The following BCL7C variants were observed in gnomAD, a reference collection of about 807,000 sequenced individuals.
The protein encoded by BCL7C is BAF chromatin remodeling complex subunit BCL7C.
Under a neutral mutation model 26.2 loss-of-function variants are expected in BCL7C, and 8 were observed. The ratio of observed to expected loss-of-function variants is 0.30; its 90% CI spans 0.18 to 0.55. The LOEUF (loss-of-function observed/expected upper bound fraction) is 0.55. Ranked by LOEUF, BCL7C falls within the 20% of genes least tolerant of loss-of-function variation. BCL7C has a pLI of 0.93. For synonymous variants in BCL7C, 90 were observed against 116.5 expected (o/e 0.77, Z 1.47); for missense variants, 262 against 298.5 (o/e 0.88, Z 0.90).
At chr16:30,886,841 G>T (rs573735488), downstream of BCL7C, among the ~76,000 whole-genome samples, 6 of 152,258 alleles carry the variant, frequency 3.9e-5, no homozygotes, top group South Asian at 1.2e-3. Context: ...GTCATCCCAG[G>T]CCCCCAAGTC....
chr16:30,842,043 G>T (rs2054605945), intron 5 of BCL7C, among the ~76,000 whole-genome samples: 1 of 146,560 alleles, frequency 6.8e-6, no homozygotes, highest in Admixed American at 6.9e-5. Context: ...ATACTCTTCT[G>T]TCTTTGTCTT....
chr16:30,882,930 T>G (rs1041924066), downstream of BCL7C, among the ~76,000 whole-genome samples: 1 of 152,196 alleles, frequency 6.6e-6, no homozygotes, highest in African/African-American at 2.4e-5. Flanking sequence ...CTTGGCTGGC[T>G]CCTGGGATGG....
At chr16:30,837,398 C>T (rs2054576612) in intron 5 of BCL7C, among the ~76,000 whole-genome samples, 1 of 152,026 alleles carries the variant, frequency 6.6e-6, no homozygotes, top group Non-Finnish European at 1.5e-5. Flanking sequence ...TCTTGTTGCC[C>T]AGGCTGTAGT....
chr16:30,855,307 C>T (rs184456370), intron 5 of BCL7C, among the ~76,000 whole-genome samples: 4 of 152,040 alleles, frequency 2.6e-5, no homozygotes, highest in South Asian at 2.1e-4. Flanking sequence ...GACATGATCT[C>T]GGCTCACTGC....
intron 5 of BCL7C, among the ~76,000 whole-genome samples, chr16:30,846,825 G>A (rs557372822): frequency 6.6e-6 from 1 of 152,306 alleles, no homozygotes; most frequent in Admixed American, 6.5e-5. Flanking sequence ...TTGGGAAGTG[G>A]GATGCCAGCA....
chr16:30,844,078 G>A (rs187071075), intron 5 of BCL7C, among the ~76,000 whole-genome samples: 9 of 146,226 alleles, frequency 6.2e-5, no homozygotes, highest in Non-Finnish European at 1.0e-4. Context: ...AAGTCCGGGC[G>A]TGGTGGCTCA....
chr16:30,864,449 G>A (rs1242792143), intron 5 of BCL7C, among the ~76,000 whole-genome samples: 1 of 151,572 alleles, frequency 6.6e-6, no homozygotes, highest in Non-Finnish European at 1.5e-5. Flanking sequence ...TATGACAAAT[G>A]CTCCTTCTAA....
chr16:30,870,073 A>AG (rs1461318235), intron 5 of BCL7C, among the ~76,000 whole-genome samples: 4 of 152,146 alleles, frequency 2.6e-5, no homozygotes, highest in Non-Finnish European at 5.9e-5. Context: ...CTCTTAGCCC[A>AG]GGGCCTGCCA....
rs1014436893 is a variant in BCL7C, at chr16:30,844,987, A to G, written c.529-9839T>C. On this transcript the variant is annotated intron_variant, in intron 5 of 5. Transcript: ENST00000380317. The stretch of plus-strand genomic sequence containing the variant: ...CTGCAGTTTTTCAGGGGCAGATCCC[A>G]GTGGTTCTCTGCCCTAGATGCATGT... 7.2e-5 allele frequency among the ~76,000 whole-genome samples: 11 copies of G among 152,286 alleles called. No homozygotes were observed. The East Asian group carries it at 1.9e-3, about 27-fold the overall frequency.
In BCL7C at chr16:30,854,512, G is replaced by A. The variant is rs146253704; in HGVS notation, c.529-19364C>T. Among the ~76,000 whole-genome samples, 402 of 152,190 alleles carry A rather than the reference G, an allele frequency of 2.6e-3. 2 individuals carry two copies. The highest frequency in any genetic ancestry group is 8.4e-3 in the African/African-American group (349 of 41,532). On this transcript the variant is annotated intron_variant, in intron 5 of 5. Transcript: ENST00000380317. ...AGACTGTTATCCTGTTCTTCAAAGC[G>A]TTGAAACCTGGCATTGACTTGGCCT...
chr16:30,842,303 A>G (rs1311519097), intron 5 of BCL7C, among the ~76,000 whole-genome samples: 1 of 152,178 alleles, frequency 6.6e-6, no homozygotes, highest in African/African-American at 2.4e-5. Context: ...TTGGACTTCC[A>G]GTCTCCAGAA....
chr16:30,871,826 C>T (rs909291197), intron 5 of BCL7C, among the ~76,000 whole-genome samples: 4 of 152,054 alleles, frequency 2.6e-5, no homozygotes, highest in African/African-American at 9.7e-5. Flanking sequence ...CAGATAATTG[C>T]TTGGATTTAG....
chr16:30,840,427 C>G (rs549185211), intron 5 of BCL7C, among the ~76,000 whole-genome samples: 1 of 151,882 alleles, frequency 6.6e-6, no homozygotes, highest in East Asian at 1.9e-4. Context: ...CATGTTGGCC[C>G]GACTGGTCTC....
chr16:30,844,289 G>A (rs527403565), intron 5 of BCL7C, among the ~76,000 whole-genome samples: 15 of 138,852 alleles, frequency 1.1e-4, no homozygotes, highest in Admixed American at 3.1e-4. Flanking sequence ...GGCAGGGGTT[G>A]CAGTGAGCCC....
At chr16:30,874,344 C>T (rs376675645) in intron 5 of BCL7C, among the ~76,000 whole-genome samples, 33 of 152,024 alleles carry the variant, frequency 2.2e-4, no homozygotes, top group African/African-American at 7.5e-4. Context: ...TAGCCAGGTG[C>T]GGTGGCTCAT....
intron 5 of BCL7C, among the ~76,000 whole-genome samples, chr16:30,881,392 TCA>T (rs72155482): frequency 0.46 from 66,702 of 143,994 alleles, 18,425 homozygotes; most frequent in East Asian, 0.83. Context: ...TGAGACTCCG[TCA>T]CACACACACA....
In BCL7C at chr16:30,838,158, G is replaced by T. The variant is rs572439969; in HGVS notation, c.529-3010C>A. 1.6e-4 allele frequency among the ~76,000 whole-genome samples: 25 copies of T among 152,352 alleles called. No homozygotes were observed. The South Asian group carries it at 4.1e-3, about 25-fold the overall frequency. On this transcript the variant is annotated intron_variant, in intron 5 of 5. Transcript: ENST00000380317. The stretch of plus-strand genomic sequence containing the variant: ...GGTTAGGAGCATGGGCTTTGAAATG[G>T]ATGACAGAGGTTTGAATCCTGACTC...
At chr16:30,850,209 C>CAAAAA (rs778231654) in intron 5 of BCL7C, among the ~76,000 whole-genome samples, 34 of 85,892 alleles carry the variant, frequency 4.0e-4, no homozygotes, top group Non-Finnish European at 5.2e-4. Context: ...GACTCCATCT[C>CAAAAA]AAAAAAAAAA....
intron 5 of BCL7C, 199 bp downstream of exon 5, chr16:30,888,661 A>G (rs2143149160): frequency 4.1e-6 from 2 of 482,282 alleles, no homozygotes; most frequent in Middle Eastern, 5.7e-4. Context: ...GGTCTCAATC[A>G]GCCCTGATCC....
Sources: gnomAD v4.1 joint callset for allele counts (sites outside exome capture counted in the v4.1 genomes callset) on GRCh38, gnomAD v4.1.1 for gene constraint, MANE v1.5 for transcripts, NCBI Gene and HGNC (gene_info 2026-07-23, HGNC 2026-07-21) for gene names.